GRM7: variants seen among roughly 807,000 people sequenced by gnomAD.
GRM7 encodes metabotropic glutamate receptor 7.
In GRM7, 35 loss-of-function variants were observed where a neutral mutation model predicts 84.5. That is an observed-to-expected ratio of 0.41 (90% CI 0.32 to 0.55). GRM7 has a LOEUF of 0.55. GRM7 is among the 20% of genes least tolerant of loss of function. GRM7 has a pLI of 0.19. For missense variants in GRM7, 1,003 were observed against 1,194.6 expected, an observed-to-expected ratio of 0.84 and a Z score of 2.36; for synonymous variants, 487 against 455.1, an observed-to-expected ratio of 1.07 and a Z score of -0.89.
chr3:7,734,247 C>CAG (rs71625353), intron 9 of GRM7, among the ~76,000 whole-genome samples: 2 of 82,332 alleles, frequency 2.4e-5, no homozygotes, highest in African/African-American at 7.6e-5. Context: ...TTGGCAGGGG[C>CAG]GGGGGGGGGG....
intron 1 of GRM7, among the ~76,000 whole-genome samples, chr3:6,974,249 A>G (rs528942472): frequency 6.6e-6 from 1 of 152,276 alleles, no homozygotes; most frequent in South Asian, 2.1e-4. Flanking sequence ...CAGTGGGGGT[A>G]GCAACTGGGG....
At chr3:7,217,335 G>T (rs896288566) in intron 2 of GRM7, among the ~76,000 whole-genome samples, 3 of 152,136 alleles carry the variant, frequency 2.0e-5, no homozygotes, top group Non-Finnish European at 4.4e-5. Context: ...GTACGGAGTT[G>T]TTATAGTTTC....
intron 1 of GRM7, among the ~76,000 whole-genome samples, chr3:7,058,239 A>T (rs1168821706): frequency 6.6e-6 from 1 of 151,978 alleles, no homozygotes; most frequent in East Asian, 1.9e-4. Flanking sequence ...ATAATTAGAT[A>T]GAATTCCCTC....
At chr3:7,143,763 G>A (rs966526950) in intron 1 of GRM7, among the ~76,000 whole-genome samples, 1 of 152,130 alleles carries the variant, frequency 6.6e-6, no homozygotes, top group Non-Finnish European at 1.5e-5. Context: ...AGGGATTTTG[G>A]CAGGAAAGGC....
At position 7,000,991 on chromosome 3, in the gene GRM7, A is replaced by G. The variant is rs778476402; in HGVS notation, c.519+139084A>G. Among the ~76,000 whole-genome samples the G allele has an allele frequency of 7.9e-5, 12 of 152,198 alleles. No homozygotes were observed. The East Asian group carries it at 1.5e-3, about 20-fold the overall frequency. ...AAAAAATATAGTATGCTTGAATGAT[A>G]TTGCCAATTGGAGGGTTACTCAGCA... On this transcript the variant is annotated intron_variant, in intron 1 of 9. Transcript: ENST00000357716.
chr3:6,924,863 C>G (rs572530188), intron 1 of GRM7, among the ~76,000 whole-genome samples: 1 of 152,084 alleles, frequency 6.6e-6, no homozygotes, highest in Non-Finnish European at 1.5e-5. Context: ...GAGAGAGAGA[C>G]AGGAAATATC....
chr3:7,589,041 A>G (rs1170382827), intron 8 of GRM7, among the ~76,000 whole-genome samples: 2 of 152,194 alleles, frequency 1.3e-5, no homozygotes, highest in Non-Finnish European at 2.9e-5. Context: ...CTGCCTTCCA[A>G]TTCTATCAAT....
intron 5 of GRM7, among the ~76,000 whole-genome samples, chr3:7,417,935 A>G (rs2125185121): frequency 6.6e-6 from 1 of 152,290 alleles, no homozygotes; most frequent in South Asian, 2.1e-4. Flanking sequence ...AGGTCAGAGT[A>G]TAGCAATGAG....
chr3:7,232,905 CTT>C (rs1181679562), intron 2 of GRM7, among the ~76,000 whole-genome samples: 3 of 152,074 alleles, frequency 2.0e-5, no homozygotes, highest in African/African-American at 7.2e-5. Flanking sequence ...TTCTTCGAAT[CTT>C]TAGATGTTAA....
At chr3:7,500,593 A>C (rs900581647) in intron 7 of GRM7, among the ~76,000 whole-genome samples, 2 of 152,186 alleles carry the variant, frequency 1.3e-5, no homozygotes, top group African/African-American at 4.8e-5. Flanking sequence ...ATACTGATTA[A>C]ATTTGTTTAT....
chr3:7,512,903 G>A (rs1315900084), intron 7 of GRM7, among the ~76,000 whole-genome samples: 2 of 152,038 alleles, frequency 1.3e-5, no homozygotes, highest in Non-Finnish European at 2.9e-5. Flanking sequence ...CCAATGCCAG[G>A]TTTTAAAAAT....
chr3:7,523,005 A>T (rs915702461), intron 7 of GRM7, among the ~76,000 whole-genome samples: 2 of 151,936 alleles, frequency 1.3e-5, no homozygotes, highest in African/African-American at 4.8e-5. Context: ...AAGAAAGAAG[A>T]CTCCTGTATG....
intron 7 of GRM7, among the ~76,000 whole-genome samples, chr3:7,474,929 T>C (rs560265482): frequency 1.2e-4 from 18 of 152,294 alleles, no homozygotes; most frequent in African/African-American, 4.3e-4. Context: ...ATTTTGTAAA[T>C]TGTTAAATAC....
chr3:7,352,846 A>T (rs1289733416), intron 4 of GRM7, among the ~76,000 whole-genome samples: 1 of 152,038 alleles, frequency 6.6e-6, no homozygotes, highest in Non-Finnish European at 1.5e-5. Context: ...TCCTGGCTTT[A>T]TCAGGGTCCT....
chr3:7,021,194 C>T (rs2124911875), intron 1 of GRM7, among the ~76,000 whole-genome samples: 1 of 152,244 alleles, frequency 6.6e-6, no homozygotes, highest in African/African-American at 2.4e-5. Context: ...TTCCCAGTGA[C>T]ATTCAGGCAA....
At chr3:7,724,863 C>A (rs1702067709) in intron 9 of GRM7, among the ~76,000 whole-genome samples, 1 of 152,196 alleles carries the variant, frequency 6.6e-6, no homozygotes, top group Non-Finnish European at 1.5e-5. Flanking sequence ...CCTGAGCTCA[C>A]TCGATCCTCC....
chr3:7,664,564 G>C (rs986871256), intron 8 of GRM7, among the ~76,000 whole-genome samples: 4 of 152,134 alleles, frequency 2.6e-5, no homozygotes, highest in Admixed American at 1.3e-4. Flanking sequence ...AGAACGTGCA[G>C]GTGTGTTACA....
intron 2 of GRM7, among the ~76,000 whole-genome samples, chr3:7,176,742 C>T (rs9311981): frequency 0.36 from 54,812 of 151,878 alleles, 11,049 homozygotes; most frequent in African/African-American, 0.56. Flanking sequence ...GTTAATTACA[C>T]CTTGGTTACA....
intron 9 of GRM7, among the ~76,000 whole-genome samples, chr3:7,726,613 CTA>C (rs56250356): frequency 0.02 from 1,160 of 57,630 alleles, 34 homozygotes; most frequent in African/African-American, 0.041. Context: ...CTCTCTCCCT[CTA>C]TATATATATA....
Sources: gnomAD v4.1 joint callset for allele counts (sites outside exome capture counted in the v4.1 genomes callset) on GRCh38, gnomAD v4.1.1 for gene constraint, MANE v1.5 for transcripts, NCBI Gene and HGNC (gene_info 2026-07-23, HGNC 2026-07-21) for gene names.